Variants in SASH1 observed in about 807,000 individuals in gnomAD.
The protein encoded by SASH1 is SAM and SH3 domain containing 1.
SASH1 carries 44 observed loss-of-function variants against 125.2 expected under a neutral mutation model. That is an observed-to-expected ratio of 0.35 (90% CI 0.28 to 0.45). SASH1 has a LOEUF of 0.45. Ranked by LOEUF, SASH1 falls within the 20% of genes least tolerant of loss-of-function variation. The probability of loss-of-function intolerance (pLI) is 1.00; values close to 1 mark genes in which losing one functional copy is unlikely to be tolerated. For synonymous variants in SASH1, 639 were observed against 649.1 expected, an observed-to-expected ratio of 0.98 and a Z score of 0.24; for missense variants, 1,426 against 1,614.5, an observed-to-expected ratio of 0.88 and a Z score of 2.00.
intron 1 of SASH1, among the ~76,000 whole-genome samples, chr6:148,300,597 A>C (rs1277253039): frequency 1.3e-5 from 2 of 151,834 alleles, no homozygotes; most frequent in Admixed American, 6.6e-5. Flanking sequence ...TACAGGCATG[A>C]GTAATCCTGG....
intron 2 of SASH1, among the ~76,000 whole-genome samples, chr6:148,416,865 T>C (rs181948253): frequency 1.1e-4 from 16 of 152,310 alleles, no homozygotes; most frequent in African/African-American, 3.8e-4. Context: ...AGCCTGAATT[T>C]AGACCCAGCC....
chr6:148,347,310 T>G (rs1781552280), intron 1 of SASH1, among the ~76,000 whole-genome samples: 1 of 152,164 alleles, frequency 6.6e-6, no homozygotes, highest in Admixed American at 6.5e-5. Flanking sequence ...TTCCTCTGTT[T>G]TTGCTCTGTT....
intron 1 of SASH1, among the ~76,000 whole-genome samples, chr6:148,351,648 C>T (rs1002678559): frequency 4.9e-5 from 5 of 102,692 alleles, no homozygotes; most frequent in Admixed American, 1.2e-4. Flanking sequence ...AGTTACTCAC[C>T]GCTTTTTTTT....
intron 1 of SASH1, among the ~76,000 whole-genome samples, chr6:148,387,408 G>T (rs1783418322): frequency 6.6e-6 from 1 of 151,182 alleles, no homozygotes; most frequent in Non-Finnish European, 1.5e-5. Context: ...CACCGCACCC[G>T]GCCCTCCTTT....
At chr6:148,515,737 C>G (rs754933727) in intron 9 of SASH1, among the ~76,000 whole-genome samples, 2 of 152,202 alleles carry the variant, frequency 1.3e-5, no homozygotes, top group Non-Finnish European at 2.9e-5. Flanking sequence ...TACCCTGTGG[C>G]GGCCCTTACC....
intron 1 of SASH1, among the ~76,000 whole-genome samples, chr6:148,374,049 C>T (rs867543928): frequency 1.2e-4 from 18 of 152,334 alleles, no homozygotes; most frequent in Middle Eastern, 3.4e-3. Flanking sequence ...AACACACGGT[C>T]CATCCTGACA....
chr6:148,529,030 G>T lies in SASH1; in HGVS notation c.1428+1434G>T, dbSNP rs185789177. Among the ~76,000 whole-genome samples, 2 of 151,974 alleles carry T rather than the reference G, an allele frequency of 1.3e-5. No individual in the cohort carries two copies. The highest frequency in any genetic ancestry group is 3.9e-4 in the East Asian group (2 of 5,178). On this transcript the variant is annotated intron_variant, in intron 12 of 19. Coordinates refer to ENST00000367467, the MANE Select transcript of SASH1 (RefSeq NM_015278.5). The surrounding 1 kb of genome is among the most constrained non-coding windows in gnomAD (Gnocchi z 4.2). ...GTGTGCACAATTCACAATAGGATTCGTGCTCCTACGAGAATCTAATACCGC... is the reference window on the plus strand; with the variant it reads ...GTGTGCACAATTCACAATAGGATTCTTGCTCCTACGAGAATCTAATACCGC...
At chr6:148,227,850 G>A in the SASH1 span, among the ~76,000 whole-genome samples, 3 of 152,104 alleles carry the variant, frequency 2.0e-5, no homozygotes, top group Admixed American at 6.5e-5. Context: ...CTTCCATTAA[G>A]GTGGTTCTGT....
At chr6:148,378,629 A>G (rs78132605) in intron 1 of SASH1, among the ~76,000 whole-genome samples, 1 of 151,212 alleles carries the variant, frequency 6.6e-6, no homozygotes, top group Non-Finnish European at 1.5e-5. Context: ...TGTGATTATC[A>G]GCGTGAGCCA....
At chr6:148,478,219 G>A (rs901623505) in intron 7 of SASH1, among the ~76,000 whole-genome samples, 1 of 152,184 alleles carries the variant, frequency 6.6e-6, no homozygotes, top group Admixed American at 6.5e-5. Flanking sequence ...AGAGCTATCT[G>A]CACTCTCATG....
At chr6:148,422,644 C>G (rs1014634075) in intron 2 of SASH1, among the ~76,000 whole-genome samples, 1 of 152,152 alleles carries the variant, frequency 6.6e-6, no homozygotes, top group Non-Finnish European at 1.5e-5. Context: ...TTTTAAATTT[C>G]ATTTGCTTTT....
At chr6:148,336,216 C>T (rs1224442987) in intron 1 of SASH1, among the ~76,000 whole-genome samples, 1 of 131,398 alleles carries the variant, frequency 7.6e-6, no homozygotes, top group African/African-American at 2.9e-5. Context: ...CAGAGTCTCA[C>T]CCAGGCTGGA....
chr6:148,279,765 T>A (rs1253155727), intron 1 of SASH1, among the ~76,000 whole-genome samples: 2 of 151,996 alleles, frequency 1.3e-5, no homozygotes, highest in African/African-American at 4.8e-5. Flanking sequence ...GAGGCTGAGG[T>A]AGGCAGATCA....
the SASH1 span, among the ~76,000 whole-genome samples, chr6:148,226,583 C>G: frequency 6.6e-6 from 1 of 152,286 alleles, no homozygotes; most frequent in South Asian, 2.1e-4. Flanking sequence ...TGGGGCACCT[C>G]CGGGGTTGGA....
the SASH1 span, among the ~76,000 whole-genome samples, chr6:148,195,694 G>C: frequency 6.6e-6 from 1 of 152,138 alleles, no homozygotes; most frequent in Non-Finnish European, 1.5e-5. Context: ...AAGGTGCCTC[G>C]GGGAGCTGGT....
intron 10 of SASH1, among the ~76,000 whole-genome samples, chr6:148,524,099 A>T (rs1883624): frequency 0.22 from 17,883 of 81,272 alleles, 2,864 homozygotes; most frequent in African/African-American, 0.44. Flanking sequence ...TCAGTTAATT[A>T]TATATATATA....
chr6:148,514,182 C>G (rs894620133), intron 8 of SASH1, 142 bp from the exon 9 acceptor site: 2 of 1,453,822 alleles, frequency 1.4e-6, no homozygotes, highest in Admixed American at 5.6e-5. Context: ...TTGTAAACCT[C>G]TTGGGCAAAT....
chr6:148,410,902 G>T (rs1462453948), intron 2 of SASH1, among the ~76,000 whole-genome samples: 1 of 152,148 alleles, frequency 6.6e-6, no homozygotes, highest in Non-Finnish European at 1.5e-5. Context: ...GCTCATGCCT[G>T]TAATCCCAGC....
At chr6:148,466,172 T>G (rs1562434501) in intron 4 of SASH1, among the ~76,000 whole-genome samples, 1 of 152,218 alleles carries the variant, frequency 6.6e-6, no homozygotes, top group Non-Finnish European at 1.5e-5. Context: ...TCCTTACATG[T>G]TCTGTATTCA....
Sources: allele counts gnomAD v4.1 joint callset (sites outside exome capture counted in the v4.1 genomes callset), GRCh38; gene constraint gnomAD v4.1.1; non-coding constraint Gnocchi (gnomAD v3.1); transcripts MANE v1.5; gene names NCBI Gene and HGNC (gene_info 2026-07-23, HGNC 2026-07-21).